The following EVC2 variants were observed in gnomAD, a reference collection of about 807,000 sequenced individuals.
EVC2 encodes the protein EvC ciliary complex subunit 2, also known as limbin.
A neutral mutation model predicts 149.3 loss-of-function variants in EVC2; 148 were observed. The observed-to-expected ratio is 0.99, with a 90% CI of 0.87 to 1.14. The LOEUF (loss-of-function observed/expected upper bound fraction) is 1.14, where lower values mean the gene tolerates loss of function less well. Among genes scored for constraint, EVC2 ranks in the 50% most tolerant of loss-of-function variants. The probability of loss-of-function intolerance (pLI) is 0.00; values close to 1 mark genes in which losing one functional copy is unlikely to be tolerated. For missense variants in EVC2, 1,854 were observed against 1,627.3 expected, an observed-to-expected ratio of 1.14 and a Z score of -2.40; for synonymous variants, 776 against 649.9, an observed-to-expected ratio of 1.19 and a Z score of -2.95.
intron 21 of EVC2, among the ~76,000 whole-genome samples, chr4:5,564,530 T>C (rs1180473159): frequency 1.3e-5 from 2 of 152,274 alleles, no homozygotes; most frequent in South Asian, 2.1e-4. Flanking sequence ...CTCTGAGAAA[T>C]TGTGGAAGGG....
intron 3 of EVC2, among the ~76,000 whole-genome samples, chr4:5,693,623 T>C (rs36018792): frequency 0.16 from 23,785 of 152,272 alleles, 2,291 homozygotes; most frequent in East Asian, 0.32. Flanking sequence ...TACATTCCTG[T>C]TGTTTTCAGC....
chr4:5,622,000 G>T (rs1164675566), intron 14 of EVC2, among the ~76,000 whole-genome samples: 1 of 152,090 alleles, frequency 6.6e-6, no homozygotes, highest in African/African-American at 2.4e-5. Context: ...AATGGACCAG[G>T]GATGAAAGGG....
intron 16 of EVC2, among the ~76,000 whole-genome samples, chr4:5,587,723 A>G (rs920340740): frequency 3.3e-5 from 5 of 152,034 alleles, no homozygotes; most frequent in African/African-American, 1.2e-4. Flanking sequence ...AGGGCTCACA[A>G]CTCTAAGGGG....
chr4:5,609,264 T>A (rs1441698052), intron 16 of EVC2, among the ~76,000 whole-genome samples: 1 of 152,220 alleles, frequency 6.6e-6, no homozygotes, highest in Non-Finnish European at 1.5e-5. Context: ...TGGAAAACCA[T>A]GATTAATATC....
chr4:5,555,265 A>G (rs1413817079), intron 21 of EVC2, among the ~76,000 whole-genome samples: 1 of 152,202 alleles, frequency 6.6e-6, no homozygotes, highest in African/African-American at 2.4e-5. Context: ...TTCAGCAGTG[A>G]ATGGAAAACA....
intron 7 of EVC2, among the ~76,000 whole-genome samples, chr4:5,674,644 A>G (rs1325438702): frequency 6.6e-6 from 1 of 152,120 alleles, no homozygotes; most frequent in Non-Finnish European, 1.5e-5. Context: ...AAGTTGCCCA[A>G]AGAACAGGTA....
chr4:5,674,838 G>C (rs1268210605), intron 7 of EVC2, among the ~76,000 whole-genome samples: 2 of 152,194 alleles, frequency 1.3e-5, no homozygotes, highest in Non-Finnish European at 2.9e-5. Flanking sequence ...GGGCTGGGTA[G>C]GGAGTAAAAC....
At chr4:5,642,995 C>T (rs370281386) in intron 9 of EVC2, among the ~76,000 whole-genome samples, 10 of 152,338 alleles carry the variant, frequency 6.6e-5, no homozygotes, top group Middle Eastern at 3.4e-3. Context: ...GAGTCATACG[C>T]AGACAGACCG....
At chr4:5,680,063 C>G (rs1247843026) in intron 7 of EVC2, among the ~76,000 whole-genome samples, 1 of 152,190 alleles carries the variant, frequency 6.6e-6, no homozygotes, top group African/African-American at 2.4e-5. Context: ...CCCCGACACT[C>G]TGTCCCACTG....
Position 5,663,259 on chromosome 4 carries a change from T to C in EVC2, c.1006-13A>G. The C allele has an allele frequency of 1.2e-6, 2 of 1,613,858 alleles. No individual in the cohort carries two copies. The highest frequency in any genetic ancestry group is 1.7e-6 in the Non-Finnish European group (2 of 1,179,866). On this transcript the variant is annotated splice_polypyrimidine_tract_variant and intron_variant, in intron 8 of 21. Transcript: ENST00000344408. ...CATACTGCCAAACCTTCAGGAGAAT[T>C]GCGGAAATAATAATTGATTGGGCCT...
At chr4:5,529,851 T>C in the EVC2 span, among the ~76,000 whole-genome samples, 1 of 150,560 alleles carries the variant, frequency 6.6e-6, no homozygotes, top group Non-Finnish European at 1.5e-5. This position sits in a 1 kb window ranked among gnomAD's most constrained non-coding sequence, Gnocchi z 4.5. Context: ...AGTCTCACTA[T>C]TGTCACCCAG....
At chr4:5,603,039 G>A (rs1341684493) in intron 16 of EVC2, among the ~76,000 whole-genome samples, 1 of 152,176 alleles carries the variant, frequency 6.6e-6, no homozygotes, top group Non-Finnish European at 1.5e-5. Context: ...AAGAAGGCAT[G>A]CGTATGTTTG....
At chr4:5,594,460 C>A (rs533875684) in intron 16 of EVC2, among the ~76,000 whole-genome samples, 1 of 152,336 alleles carries the variant, frequency 6.6e-6, no homozygotes, top group African/African-American at 2.4e-5. Flanking sequence ...CCCAGGTAAA[C>A]AGCGTCTGGA....
At chr4:5,562,204 C>A (rs1370980894), downstream of EVC2, among the ~76,000 whole-genome samples, 3 of 152,154 alleles carry the variant, frequency 2.0e-5, no homozygotes, top group Admixed American at 6.5e-5. The surrounding 1 kb of genome is among the most constrained non-coding windows in gnomAD (Gnocchi z 4.3). Flanking sequence ...GCTTTATGAT[C>A]TTGTAAAAAT....
At chr4:5,659,767 C>T (rs564423077) in intron 9 of EVC2, among the ~76,000 whole-genome samples, 6 of 152,288 alleles carry the variant, frequency 3.9e-5, no homozygotes, top group Admixed American at 2.0e-4. Flanking sequence ...AAGAAAGACT[C>T]GGCTTCTTAT....
chr4:5,685,594 A>G (rs1720650946), intron 5 of EVC2, 115 bp from the exon 6 acceptor site: 1 of 801,810 alleles, frequency 1.2e-6, no homozygotes, highest in African/African-American at 1.7e-5. Context: ...AAGGGAGGCC[A>G]CCATGGCAGT....
chr4:5,670,517 C>G lies in EVC2; in HGVS notation c.871-4868G>C, dbSNP rs183558349. Among the ~76,000 whole-genome samples the G allele has an allele frequency of 1.3e-5, 2 of 151,176 alleles. No individual in the cohort carries two copies. Among genetic ancestry groups the G allele is most frequent in the Non-Finnish European group, 2.9e-5 (2 of 67,804 alleles). Reference sequence around the variant, plus strand: ...ATCACCACCATCACCATCGCCACCACGATTATCAACATCATCAATATCCCC... The same window carrying G: ...ATCACCACCATCACCATCGCCACCAGGATTATCAACATCATCAATATCCCC... On this transcript the variant is annotated intron_variant, in intron 7 of 21. Transcript: ENST00000344408. The surrounding 1 kb of genome is among the most constrained non-coding windows in gnomAD (Gnocchi z 5.2).
chr4:5,589,017 C>T (rs1379419136), intron 16 of EVC2, among the ~76,000 whole-genome samples: 1 of 152,232 alleles, frequency 6.6e-6, no homozygotes, highest in South Asian at 2.1e-4. Context: ...TGATTTTTCT[C>T]CTCATGAGGA....
chr4:5,660,619 AC>A (rs1718816362), intron 9 of EVC2, among the ~76,000 whole-genome samples: 1 of 152,110 alleles, frequency 6.6e-6, no homozygotes, highest in African/African-American at 2.4e-5. Flanking sequence ...ACTCGCCCTG[AC>A]CACTTCTCTT....
Sources: allele counts gnomAD v4.1 joint callset (sites outside exome capture counted in the v4.1 genomes callset), GRCh38; gene constraint gnomAD v4.1.1; non-coding constraint Gnocchi (gnomAD v3.1); transcripts MANE v1.5; gene names NCBI Gene and HGNC (gene_info 2026-07-23, HGNC 2026-07-21).